The following ADH5 variants were observed in gnomAD, a reference collection of about 807,000 sequenced individuals.
ADH5 encodes alcohol dehydrogenase class-3.
In ADH5, 32 loss-of-function variants were observed where a neutral mutation model predicts 40.3. The ratio of observed to expected loss-of-function variants is 0.79; its 90% CI spans 0.60 to 1.07. The LOEUF (loss-of-function observed/expected upper bound fraction) is 1.07. ADH5 is among the 50% of genes least tolerant of loss of function. The probability of loss-of-function intolerance (pLI) is 0.00; values close to 1 mark genes in which losing one functional copy is unlikely to be tolerated. For missense variants in ADH5, 353 were observed against 460.5 expected, an observed-to-expected ratio of 0.77 and a Z score of 2.14; for synonymous variants, 125 against 154.3, an observed-to-expected ratio of 0.81 and a Z score of 1.41.
chr4:99,079,139 A>C (rs774830373), intron 4 of ADH5, among the ~76,000 whole-genome samples: 7 of 152,250 alleles, frequency 4.6e-5, no homozygotes, highest in Non-Finnish European at 5.9e-5. Context: ...CAGCAATTAT[A>C]ATCTCAAGAA....
At chr4:99,087,396 A>AG (rs112581712) in intron 1 of ADH5, among the ~76,000 whole-genome samples, 1,025 of 34,584 alleles carry the variant, frequency 0.03, 10 homozygotes, top group Middle Eastern at 0.11. Context: ...CTGGCGGGGG[A>AG]GGGGGGGGGG....
chr4:99,077,310 G>A (rs1447327477), intron 4 of ADH5, among the ~76,000 whole-genome samples: 1 of 152,086 alleles, frequency 6.6e-6, no homozygotes, highest in Admixed American at 6.5e-5. Context: ...ACAACTTGGA[G>A]CCAGGATTTC....
At chr4:99,084,010 G>C (rs1029839102) in intron 2 of ADH5, among the ~76,000 whole-genome samples, 4 of 152,162 alleles carry the variant, frequency 2.6e-5, no homozygotes, top group African/African-American at 7.2e-5. Context: ...CGCCAGGGTG[G>C]GTGCATTTTA....
intron 8 of ADH5, 54 bp from the exon 9 acceptor site, chr4:99,072,495 A>C: frequency 6.2e-7 from 1 of 1,610,226 alleles, no homozygotes; most frequent in Non-Finnish European, 8.5e-7. Context: ...AGACAACTAA[A>C]ATTGTGTTTT....
In ADH5 at chr4:99,082,209, A is replaced by G. The variant is rs1728039649; in HGVS notation, c.115-93T>C. The G allele has an allele frequency of 1.5e-5, 19 of 1,299,004 alleles. No individual in the cohort carries two copies. The South Asian group carries it at 2.6e-4, about 18-fold the overall frequency. 80.5% of individuals were successfully genotyped at this position (1,299,004 alleles called of 1,614,324 possible). On this transcript the variant is annotated intron_variant, in intron 2 of 8. Transcript: ENST00000296412. ...AAAAGTCATTTTATTATAATACTATATTTCATTGACTCTAAGACACATTTC... is the reference window on the plus strand; with the variant it reads ...AAAAGTCATTTTATTATAATACTATGTTTCATTGACTCTAAGACACATTTC...
Position 99,088,675 on chromosome 4 carries a change from T to C in ADH5, c.12+14A>G, listed in dbSNP as rs1369731684. ...CTCCCTTGGACTCAGGGCCCTCCGCTCAACGGGCCCTACCTCGTTCGCCAT... is the reference window on the plus strand; with the variant it reads ...CTCCCTTGGACTCAGGGCCCTCCGCCCAACGGGCCCTACCTCGTTCGCCAT... On this transcript the variant is annotated intron_variant, in intron 1 of 8. Coordinates refer to ENST00000296412, the MANE Select transcript of ADH5 (RefSeq NM_000671.4). The C allele has an allele frequency of 6.2e-7, 1 of 1,606,740 alleles. No homozygotes were observed. Among genetic ancestry groups the C allele is most frequent in the Non-Finnish European group, 8.5e-7 (1 of 1,175,890 alleles).
In ADH5 at chr4:99,082,102, C is replaced by T. The variant is rs199839912; in HGVS notation, c.129G>A (p.Ala43=). ...GGGTATAGGCATCGGTGTGGCAAAC[C>T]GCAGTGGCAATGATCTATCAGGACA... is the stretch of plus-strand genomic sequence containing the variant. ...HEVRIKIIAT[A]VCHTDAYTLS... The change falls in exon 3 of 9, where the codon GCG becomes GCA. Residue 43 remains alanine, a synonymous_variant. Coordinates refer to ENST00000296412, the MANE Select transcript of ADH5 (RefSeq NM_000671.4). The T allele has an allele frequency of 6.2e-4, 1,006 of 1,613,668 alleles. No homozygotes were observed. The highest frequency in any genetic ancestry group is 7.5e-4 in the Non-Finnish European group (881 of 1,179,740).
At chr4:99,083,792 C>T (rs562054890) in intron 2 of ADH5, among the ~76,000 whole-genome samples, 1 of 151,962 alleles carries the variant, frequency 6.6e-6, no homozygotes, top group Non-Finnish European at 1.5e-5. Context: ...TGTTAATGAT[C>T]ACTACTCTAA....
chr4:99,076,785 A>T lies in ADH5; in HGVS notation c.483T>A (p.Asp161Glu), dbSNP rs1378699351. Residue 161 changes from aspartate to glutamate, a missense_variant, in exon 5 of 9, where the codon GAT (aspartate) becomes GAA (glutamate). By Grantham distance (45) the Asp-to-Glu change is conservative. Coordinates refer to ENST00000296412, the MANE Select transcript of ADH5 (RefSeq NM_000671.4). Reference protein sequence around the residue: ...VVADISVAKIDPLAPLDKVCL... With the variant: ...VVADISVAKIEPLAPLDKVCL... ...AGACTTTATCCAAAGGTGCTAAAGG[A>T]TCTATTTTAGCAACAGAGATATCAG... is the stretch of plus-strand genomic sequence containing the variant. 3.1e-6 allele frequency: 5 copies of T among 1,614,048 alleles called. No individual in the cohort carries two copies. In the East Asian group the frequency reaches 1.1e-4, roughly 36 times the overall value.
At chr4:99,072,868 C>T (rs1483100869) in intron 7 of ADH5, among the ~76,000 whole-genome samples, 157 bp from the exon 8 acceptor site, 1 of 152,168 alleles carries the variant, frequency 6.6e-6, no homozygotes, top group African/African-American at 2.4e-5. Flanking sequence ...TTGACCAACA[C>T]CTTTCAGTGA....
intron 7 of ADH5, among the ~76,000 whole-genome samples, chr4:99,073,682 C>A (rs1727872317): frequency 6.6e-6 from 1 of 152,144 alleles, no homozygotes; most frequent in African/African-American, 2.4e-5. Flanking sequence ...TTTCTTTCTC[C>A]TTTAAATGTC....
chr4:99,082,400 A>C (rs1385905167), intron 2 of ADH5, among the ~76,000 whole-genome samples: 1 of 152,236 alleles, frequency 6.6e-6, no homozygotes, highest in African/African-American at 2.4e-5. Context: ...TAGCAAGAGA[A>C]GGTAAACAAG....
chr4:99,073,462 GCCACCAGGCC>G (rs28985868), intron 7 of ADH5, among the ~76,000 whole-genome samples: 5,515 of 152,336 alleles, frequency 0.036, 332 homozygotes, highest in African/African-American at 0.13. Context: ...ACAGGCGTGA[GCCACCAGGCC>G]CGACTAAATG....
At chr4:99,082,145 TA>T (rs745608726) in intron 2 of ADH5, 29 bp from the exon 3 acceptor site, 1 of 1,609,196 alleles carries the variant, frequency 6.2e-7, no homozygotes, top group Non-Finnish European at 8.5e-7. Context: ...AACGAATGTG[TA>T]AGTATGTGTG....
chr4:99,084,387 C>T (rs3018048), intron 2 of ADH5, among the ~76,000 whole-genome samples: 119,996 of 152,146 alleles, frequency 0.79, 47,888 homozygotes, highest in East Asian at 1. Flanking sequence ...ATAGGCTAAT[C>T]ATAGTGCATT....
chr4:99,086,998 G>A (rs1241505790), intron 1 of ADH5, among the ~76,000 whole-genome samples: 1 of 146,378 alleles, frequency 6.8e-6, no homozygotes, highest in Non-Finnish European at 1.5e-5. Context: ...CCTTGGCACA[G>A]CATAGCTTTG....
intron 1 of ADH5, among the ~76,000 whole-genome samples, chr4:99,087,269 C>T (rs1432055770): frequency 6.6e-6 from 1 of 151,958 alleles, no homozygotes; most frequent in African/African-American, 2.4e-5. Flanking sequence ...GTAATCCCAG[C>T]TACTCGGGAG....
rs1214505668 is a variant in ADH5 at position 99,081,955 on chromosome 4, G to A, written c.256+20C>T. The A allele has an allele frequency of 6.2e-7, 1 of 1,611,792 alleles. No homozygotes were observed. The highest frequency in any genetic ancestry group is 2.2e-5 in the East Asian group (1 of 44,848). On this transcript the variant is annotated intron_variant, in intron 3 of 8. Transcript: ENST00000296412. ...AATAAGCCAAAATTATTAAACAAGT[G>A]GTTCAAGTATTCTCCTTACCCGCCT...
At chr4:99,081,736 T>C in intron 3 of ADH5, 1 of 571,646 alleles carries the variant, frequency 1.7e-6, no homozygotes, top group East Asian at 2.9e-5. Flanking sequence ...TCTTGCTTAA[T>C]ATGCCAAAAT....
Sources: allele counts gnomAD v4.1 joint callset (sites outside exome capture counted in the v4.1 genomes callset), GRCh38; gene constraint gnomAD v4.1.1; transcripts MANE v1.5; gene names NCBI Gene and HGNC (gene_info 2026-07-23, HGNC 2026-07-21).